KIF1C: variants seen among roughly 807,000 people sequenced by gnomAD.
KIF1C encodes the protein kinesin-like protein KIF1C.
In KIF1C, 61 loss-of-function variants were observed where a neutral mutation model predicts 126.5. The ratio of observed to expected loss-of-function variants is 0.48; its 90% CI spans 0.39 to 0.60. The LOEUF (loss-of-function observed/expected upper bound fraction) is 0.60, where lower values mean the gene tolerates loss of function less well. Ranked by LOEUF, KIF1C falls within the 20% of genes least tolerant of loss-of-function variation. The pLI, the probability that KIF1C is intolerant of heterozygous loss-of-function variation, is 0.00. For synonymous variants in KIF1C, 640 were observed against 580.6 expected (o/e 1.10, Z -1.47); for missense variants, 1,315 against 1,489.2 (o/e 0.88, Z 1.93).
chr17:5,002,788 C>G lies in KIF1C; in HGVS notation c.666C>G (p.Thr222=). ...ETSSRSHAVF[T]IVFTQRCHDQ... The stretch of plus-strand genomic sequence containing the variant: ...GCAGCCGTTCCCATGCCGTCTTTAC[C>G]ATCGTCTTCACACAGCGCTGCCATG... Residue 222 remains threonine (T), a synonymous_variant, in exon 8 of 23, where the codon ACC becomes ACG. Coordinates refer to ENST00000320785, the MANE Select transcript of KIF1C (RefSeq NM_006612.6). 6.2e-7 allele frequency: 1 copy of G among 1,614,010 alleles called. No homozygotes were observed. The highest frequency in any genetic ancestry group is 8.5e-7 in the Non-Finnish European group (1 of 1,179,982).
intron 12 of KIF1C, 63 bp downstream of exon 12, chr17:5,004,708 G>T: frequency 6.3e-7 from 1 of 1,588,694 alleles, no homozygotes; most frequent in African/African-American, 1.3e-5. Context: ...GTTCAGAGGC[G>T]AGTTGCTCAG....
At chr17:5,004,400 C>G (rs1448302490) in intron 11 of KIF1C, among the ~76,000 whole-genome samples, 167 bp from the exon 12 acceptor site, 2 of 152,190 alleles carry the variant, frequency 1.3e-5, no homozygotes, top group East Asian at 3.8e-4. Context: ...ACCTCATCCC[C>G]TCCCATAACC....
intron 13 of KIF1C, 93 bp downstream of exon 13, chr17:5,005,093 G>T: frequency 2.0e-6 from 3 of 1,503,714 alleles, no homozygotes; most frequent in Admixed American, 1.8e-5. Context: ...GCCAGGGAGG[G>T]ACCACACACT....
intron 14 of KIF1C, 65 bp downstream of exon 14, chr17:5,007,149 T>G (rs994070766): frequency 6.3e-7 from 1 of 1,575,766 alleles, no homozygotes; most frequent in Non-Finnish European, 8.6e-7. Context: ...TTCTCCAAAG[T>G]CAAGCTTGAG....
At chr17:5,004,527 C>T (rs751557697) in intron 11 of KIF1C, 40 bp from the exon 12 acceptor site, 18 of 1,595,674 alleles carry the variant, frequency 1.1e-5, no homozygotes, top group Non-Finnish European at 1.5e-5. Flanking sequence ...TTGCTTAGCC[C>T]CTCCCTCAGC....
chr17:5,023,616 G>A lies in KIF1C; in HGVS notation c.2777G>A (p.Arg926Gln), dbSNP rs200925951. 7 of 1,613,442 alleles carry A rather than the reference G, an allele frequency of 4.3e-6. No homozygotes were observed. Among genetic ancestry groups the A allele is most frequent in the Admixed American group, 1.7e-5 (1 of 59,974 alleles). The change falls in exon 23 of 23, where the codon CGG (arginine) becomes CAG (glutamine). Residue 926 changes from arginine (R) to glutamine (Q), a missense_variant. This residue lies in a region of KIF1C where 441 missense variants were observed against 436.1 expected (regional missense o/e 1.01). Transcript: ENST00000320785. This position sits in a 1 kb window ranked among gnomAD's most constrained non-coding sequence, Gnocchi z 4.2. ...CTGTCAAGCTGGGAGCGGGTGTCAC[G>A]GCTCATGGAGGAGGACCCTGCCTTC... Reference protein sequence around the residue: ...PPLSSWERVSRLMEEDPAFRR... With the variant: ...PPLSSWERVSQLMEEDPAFRR...
chr17:5,003,747 G>A (rs1974661441), intron 9 of KIF1C, 58 bp downstream of exon 9: 1 of 1,567,374 alleles, frequency 6.4e-7, no homozygotes, highest in Admixed American at 1.7e-5. Context: ...TGTATGTGGA[G>A]GTCTCCAGTC....
chr17:5,023,503 C>T lies in KIF1C; in HGVS notation c.2664C>T (p.Val888=), dbSNP rs1975135199. 1.2e-6 allele frequency: 2 copies of T among 1,614,026 alleles called. No homozygotes were observed. The highest frequency in any genetic ancestry group is 2.2e-5 in the South Asian group (2 of 91,086). The change falls in exon 23 of 23, where the codon GTC becomes GTT. Residue 888 remains valine, a synonymous_variant. Coordinates refer to ENST00000320785, the MANE Select transcript of KIF1C (RefSeq NM_006612.6). The surrounding 1 kb of genome is among the most constrained non-coding windows in gnomAD (Gnocchi z 4.2). ...ATGAGAATGAAGAAGGTGGTGAGGT[C>T]CCCTGGGCCCCGCCTGAAGGATCAG... ...HEDENEEGGE[V]PWAPPEGSEA...
chr17:5,010,911 C>T (rs555038096), intron 16 of KIF1C, among the ~76,000 whole-genome samples: 2 of 151,188 alleles, frequency 1.3e-5, no homozygotes, highest in Admixed American at 6.6e-5. Flanking sequence ...CCCGGGTTCA[C>T]GCCATTCTCC....
rs1002799165 is a variant in KIF1C at position 5,025,830 on chromosome 17, A to T, written c.*1679A>T. On this transcript the variant is annotated 3_prime_UTR_variant, in exon 23 of 23. Coordinates refer to ENST00000320785, the MANE Select transcript of KIF1C (RefSeq NM_006612.6). Reference sequence around the variant, plus strand: ...GCGAGACTCCATTTCAAGAAAAATTAAAAAACTGTTTGTTGCCTGCTTGTT... The same window carrying T: ...GCGAGACTCCATTTCAAGAAAAATTTAAAAACTGTTTGTTGCCTGCTTGTT... 6.6e-6 allele frequency: 1 copy of T among 152,162 alleles called. No individual in the cohort carries two copies. The highest frequency in any genetic ancestry group is 1.9e-4 in the East Asian group (1 of 5,190). 9.4% of individuals were successfully genotyped at this position (152,162 alleles called of 1,614,324 possible). A position where few individuals can be genotyped will look rare whatever the true frequency, so the allele number is the denominator to read the frequency against.
At chr17:5,004,421 G>A in intron 11 of KIF1C, 146 bp from the exon 12 acceptor site, 1 of 735,190 alleles carries the variant, frequency 1.4e-6, no homozygotes, top group South Asian at 1.6e-5. Context: ...AGATGTCATG[G>A]TTAGCTCCAC....
intron 16 of KIF1C, among the ~76,000 whole-genome samples, 177 bp downstream of exon 16, chr17:5,007,719 C>T (rs1227056225): frequency 6.6e-6 from 1 of 152,148 alleles, no homozygotes; most frequent in Non-Finnish European, 1.5e-5. Context: ...TTAGTCATCC[C>T]TGCCTTCTCC....
Position 5,023,793 on chromosome 17 carries a change from C to T in KIF1C, c.2954C>T (p.Pro985Leu). ...CKLRFPFKSN[P>L]QHRESWPGMG... ...CTACGCTTCCCCTTCAAGAGCAACC[C>T]CCAGCACCGGGAGTCTTGGCCAGGG... Residue 985 changes from proline (P) to leucine (L), a missense_variant, in exon 23 of 23, where the codon CCC becomes CTC. Transcript: ENST00000320785. The surrounding 1 kb of genome is among the most constrained non-coding windows in gnomAD (Gnocchi z 4.2). 6.6e-7 allele frequency: 1 copy of T among 1,520,364 alleles called. No individual in the cohort carries two copies. Among genetic ancestry groups the T allele is most frequent in the Non-Finnish European group, 8.8e-7 (1 of 1,136,434 alleles). The allele number at this position is 1,520,364 out of a possible 1,614,324, so 94.2% of individuals were successfully genotyped here.
rs758193765 is a variant in KIF1C, at chr17:5,000,770, A to G, written c.107-2A>G. 6.2e-7 allele frequency: 1 copy of G among 1,613,934 alleles called. No individual in the cohort carries two copies. Among genetic ancestry groups the G allele is most frequent in the Non-Finnish European group, 8.5e-7 (1 of 1,179,884 alleles). ...CTTCCTTTACCCTCTCCTGCCCCTC[A>G]GCCATCATCAATCCTAAACAGAGCA... On this transcript the variant is annotated splice_acceptor_variant, in intron 3 of 22. Transcript: ENST00000320785. LOFTEE classifies it high-confidence loss of function.
intron 18 of KIF1C, 116 bp from the exon 19 acceptor site, chr17:5,019,880 G>A (rs752041988): frequency 9.5e-6 from 7 of 736,758 alleles, no homozygotes; most frequent in Non-Finnish European, 1.5e-5. Context: ...AGGTACTGGG[G>A]GTGGGACTGG....
At chr17:5,004,723 C>G in intron 12 of KIF1C, 78 bp downstream of exon 12, 1 of 1,582,798 alleles carries the variant, frequency 6.3e-7, no homozygotes. Flanking sequence ...GCTCAGGACC[C>G]TGCTCGTGAG....
intron 8 of KIF1C, 37 bp downstream of exon 8, chr17:5,002,879 C>T: frequency 7.5e-6 from 11 of 1,461,248 alleles, no homozygotes; most frequent in Non-Finnish European, 8.4e-6. Context: ...CCACCGGATG[C>T]AACCTCCCCT....
rs369437889 is a variant in KIF1C at position 5,014,723 on chromosome 17, G to A, written c.1572-20G>A. ...TAAAGTCTGGCACATGCTCACAAAC[G>A]TTGGCCATTGCTTCCCCAGGGTCGG... On this transcript the variant is annotated intron_variant, in intron 17 of 22. Coordinates refer to ENST00000320785, the MANE Select transcript of KIF1C (RefSeq NM_006612.6). 3.4e-5 allele frequency: 53 copies of A among 1,560,960 alleles called. No individual in the cohort carries two copies. Among genetic ancestry groups the A allele is most frequent in the African/African-American group, 9.4e-5 (7 of 74,112 alleles).
chr17:4,998,540 C>T (rs911351012), intron 1 of KIF1C, among the ~76,000 whole-genome samples: 3 of 152,222 alleles, frequency 2.0e-5, no homozygotes, highest in Admixed American at 1.3e-4. Context: ...ACCCCGCTGG[C>T]CCCCAGCCGT....
Sources: allele counts gnomAD v4.1 joint callset (sites outside exome capture counted in the v4.1 genomes callset), GRCh38; gene constraint gnomAD v4.1.1; regional missense constraint gnomAD v4.1.1; non-coding constraint Gnocchi (gnomAD v3.1); transcripts MANE v1.5; gene names NCBI Gene and HGNC (gene_info 2026-07-23, HGNC 2026-07-21).